TRIM24: variants seen among roughly 807,000 people sequenced by gnomAD.
TRIM24 encodes the protein transcription intermediary factor 1-alpha.
TRIM24 carries 29 observed loss-of-function variants against 123.9 expected under a neutral mutation model. That is an observed-to-expected ratio of 0.23 (90% CI 0.17 to 0.32). The LOEUF is 0.32. Ranked by LOEUF, TRIM24 falls within the 10% of genes least tolerant of loss-of-function variation. The pLI is 1.00. For missense variants in TRIM24, 932 were observed against 1,295.3 expected (o/e 0.72, Z 4.31); for synonymous variants, 456 against 461.1 (o/e 0.99, Z 0.14).
At chr7:138,472,868 TA>T (rs1212047468) in intron 1 of TRIM24, among the ~76,000 whole-genome samples, 6 of 152,290 alleles carry the variant, frequency 3.9e-5, no homozygotes, top group African/African-American at 9.6e-5. Context: ...CACAAGCTCT[TA>T]AAAAAATTTT....
intron 3 of TRIM24, 59 bp downstream of exon 3, chr7:138,515,418 C>T: frequency 2.5e-6 from 4 of 1,570,662 alleles, no homozygotes; most frequent in Non-Finnish European, 3.5e-6. Flanking sequence ...TTTCTTCCTT[C>T]CTGTATTGAC....
chr7:138,492,311 A>T (rs1795810526), intron 1 of TRIM24, among the ~76,000 whole-genome samples: 1 of 151,348 alleles, frequency 6.6e-6, no homozygotes, highest in Non-Finnish European at 1.5e-5. Context: ...GAAAGAAAAT[A>T]AATGTCTATT....
At chr7:138,492,768 T>G (rs1039401892) in intron 1 of TRIM24, among the ~76,000 whole-genome samples, 1 of 152,218 alleles carries the variant, frequency 6.6e-6, no homozygotes, top group Non-Finnish European at 1.5e-5. Flanking sequence ...TTATCCTGCT[T>G]GGAGCTTATT....
At chr7:138,565,735 A>T (rs576723706) in intron 9 of TRIM24, among the ~76,000 whole-genome samples, 1 of 152,222 alleles carries the variant, frequency 6.6e-6, no homozygotes, top group Non-Finnish European at 1.5e-5. Flanking sequence ...ACTTTTATAC[A>T]CACTTCTGAA....
intron 1 of TRIM24, among the ~76,000 whole-genome samples, chr7:138,482,979 A>C (rs992384038): frequency 6.6e-6 from 1 of 151,918 alleles, no homozygotes; most frequent in Non-Finnish European, 1.5e-5. Context: ...GTGCAGTGGC[A>C]CAGTCAGGGA....
chr7:138,512,261 T>C (rs181045458), intron 2 of TRIM24, among the ~76,000 whole-genome samples: 16 of 152,262 alleles, frequency 1.1e-4, no homozygotes, highest in Non-Finnish European at 2.1e-4. Flanking sequence ...CTGTGACTTT[T>C]CCAGACTAAA....
At chr7:138,495,733 C>A (rs931250579) in intron 1 of TRIM24, among the ~76,000 whole-genome samples, 1 of 152,086 alleles carries the variant, frequency 6.6e-6, no homozygotes, top group Non-Finnish European at 1.5e-5. Context: ...CAGGTGTGAG[C>A]CACCATGTCC....
In TRIM24 at chr7:138,578,276, A is replaced by G. The variant is rs181358291; in HGVS notation, c.2256+688A>G. On this transcript the variant is annotated intron_variant, in intron 14 of 18. Coordinates refer to ENST00000343526, the MANE Select transcript of TRIM24 (RefSeq NM_015905.3). ...TGGGTCTGCAGTGAACAATATTTAA[A>G]TAATAATAATAATGATGTAAACAAA... Among the ~76,000 whole-genome samples the G allele has an allele frequency of 3.3e-5, 5 of 150,346 alleles. No homozygotes were observed. In the East Asian group the frequency reaches 9.7e-4, roughly 29 times the overall value.
At chr7:138,508,692 T>TGTGTGTGTGTGTGTGCGCGC (rs1422176564) in intron 2 of TRIM24, among the ~76,000 whole-genome samples, 1 of 137,214 alleles carries the variant, frequency 7.3e-6, no homozygotes, top group African/African-American at 2.8e-5. Flanking sequence ...TGTGTGTGTG[T>TGTGTGTGTGTGTGTGCGCGC]GCGCGCGCGT....
rs10542175 is a variant in TRIM24, at chr7:138,470,123, A to ATT, written c.364+9236_364+9237dup. Among the ~76,000 whole-genome samples the ATT allele has an allele frequency of 8.9e-3, 726 of 81,422 alleles. 68 individuals carry two copies. Among genetic ancestry groups the ATT allele is most frequent in the African/African-American group, 0.024 (516 of 21,766 alleles). 53.4% of individuals were successfully genotyped at this position (81,422 alleles called of 152,430 possible). ...TTTGTTTTTGCCTCCTACAAGTATA[A>ATT]TTTTTTTTTTTTTTTTTTTTTTTTT... is the stretch of plus-strand genomic sequence containing the variant. On this transcript the variant is annotated intron_variant, in intron 1 of 18. Coordinates refer to ENST00000343526, the MANE Select transcript of TRIM24 (RefSeq NM_015905.3).
At chr7:138,463,989 C>CATTTTTTTTTTTTTTTTTTTTT (rs1554429651) in intron 1 of TRIM24, among the ~76,000 whole-genome samples, 1 of 50,768 alleles carries the variant, frequency 2.0e-5, no homozygotes, top group African/African-American at 8.2e-5. Context: ...AAAATTTAGA[C>CATTTTTTTTTTTTTTTTTTTTT]TTTTTTTTTT....
Position 138,506,264 on chromosome 7 carries a change from T to G in TRIM24, c.483+1856T>G, listed in dbSNP as rs147030746. On this transcript the variant is annotated intron_variant, in intron 2 of 18. Transcript: ENST00000343526. ...TGCTGTGGGAGATAAACTTTCTAAT[T>G]GTTTAATTGTGAAACCACCCTTAAA... 5.3e-5 allele frequency among the ~76,000 whole-genome samples: 8 copies of G among 152,328 alleles called. No individual in the cohort carries two copies. In the East Asian group the frequency reaches 1.5e-3, roughly 29 times the overall value.
intron 7 of TRIM24, among the ~76,000 whole-genome samples, chr7:138,546,374 A>T (rs758617658): frequency 8.5e-5 from 13 of 152,232 alleles, no homozygotes; most frequent in Non-Finnish European, 1.5e-4. Context: ...CTGAAAAATG[A>T]GGCAGCTAAG....
rs117450237 is a variant in TRIM24 at position 138,558,925 on chromosome 7, C to T, written c.1530+3959C>T. The stretch of plus-strand genomic sequence containing the variant: ...ATTAACGGGGACCTAGAGGAACAAA[C>T]GGGGCACACATTTTTGCTTGGAACA... On this transcript the variant is annotated intron_variant, in intron 9 of 18. Transcript: ENST00000343526. Among the ~76,000 whole-genome samples the T allele has an allele frequency of 5.4e-3, 822 of 152,258 alleles. 8 individuals are homozygous for T. Among genetic ancestry groups the T allele is most frequent in the Middle Eastern group, 0.01 (3 of 292 alleles).
chr7:138,543,347 T>G (rs1325592051), intron 7 of TRIM24, among the ~76,000 whole-genome samples: 1 of 152,224 alleles, frequency 6.6e-6, no homozygotes, highest in Non-Finnish European at 1.5e-5. Flanking sequence ...CACTGATGCA[T>G]TTCTAGTAGC....
intron 1 of TRIM24, chr7:138,490,598 T>C (rs931799388): frequency 1.1e-5 from 3 of 262,078 alleles, no homozygotes; most frequent in Non-Finnish European, 7.4e-6. Context: ...TGGACTGTGG[T>C]TCATATCCAA....
chr7:138,512,107 A>T (rs1796300037), intron 2 of TRIM24, among the ~76,000 whole-genome samples: 1 of 152,172 alleles, frequency 6.6e-6, no homozygotes, highest in Admixed American at 6.5e-5. Context: ...ATCCCCTTTG[A>T]CTTCACATCT....
chr7:138,485,084 T>C (rs1454902284), intron 1 of TRIM24, among the ~76,000 whole-genome samples: 1 of 152,144 alleles, frequency 6.6e-6, no homozygotes, highest in Non-Finnish European at 1.5e-5. Flanking sequence ...TTCTCTTTCC[T>C]CAATATGGAT....
intron 4 of TRIM24, among the ~76,000 whole-genome samples, chr7:138,519,593 G>A (rs1025364302): frequency 1.3e-5 from 2 of 152,170 alleles, no homozygotes; most frequent in African/African-American, 2.4e-5. Context: ...ACCCTCCCCA[G>A]TTGTGACAAC....
Sources: allele counts gnomAD v4.1 joint callset (sites outside exome capture counted in the v4.1 genomes callset), GRCh38; gene constraint gnomAD v4.1.1; transcripts MANE v1.5; gene names NCBI Gene and HGNC (gene_info 2026-07-23, HGNC 2026-07-21).